COL22A1: variants seen among roughly 807,000 people sequenced by gnomAD.
The protein encoded by COL22A1 is collagen alpha-1(XXII) chain.
A neutral mutation model predicts 248.9 loss-of-function variants in COL22A1; 221 were observed. The ratio of observed to expected loss-of-function variants is 0.89; its 90% CI spans 0.80 to 0.99. COL22A1 has a LOEUF of 0.99. Among genes scored for constraint, COL22A1 ranks in the 50% least tolerant of loss-of-function variants. The pLI is 0.00. For synonymous variants in COL22A1, 891 were observed against 793.4 expected (o/e 1.12, Z -2.07); for missense variants, 2,240 against 2,179.0 (o/e 1.03, Z -0.56).
At chr8:138,761,957 A>G (rs1833519822) in intron 17 of COL22A1, among the ~76,000 whole-genome samples, 1 of 152,174 alleles carries the variant, frequency 6.6e-6, no homozygotes, top group Non-Finnish European at 1.5e-5. Context: ...CATGTCTTGC[A>G]GACCCCTCAC....
At chr8:138,780,309 T>C (rs1039106423) in intron 13 of COL22A1, among the ~76,000 whole-genome samples, 4 of 152,156 alleles carry the variant, frequency 2.6e-5, no homozygotes, top group African/African-American at 9.7e-5. Flanking sequence ...TCAGCGTTGC[T>C]CACAAGCCAG....
chr8:138,802,938 A>G lies in COL22A1; in HGVS notation c.1495-4T>C, dbSNP rs376871507. 2.5e-5 allele frequency: 40 copies of G among 1,612,498 alleles called. No homozygotes were observed. The highest frequency in any genetic ancestry group is 3.3e-5 in the Non-Finnish European group (39 of 1,178,628). ...GCCCAATGGCTCCTATGTCTCCCTGAGGGGTTGAGACCAGAGACAAGCATC... is the reference window on the plus strand; with the variant it reads ...GCCCAATGGCTCCTATGTCTCCCTGGGGGGTTGAGACCAGAGACAAGCATC... On this transcript the variant is annotated splice_region_variant and splice_polypyrimidine_tract_variant and intron_variant, in intron 10 of 64. Coordinates refer to ENST00000303045, the MANE Select transcript of COL22A1 (RefSeq NM_152888.3).
chr8:138,909,430 GA>G (rs2132203894), intron 1 of COL22A1, among the ~76,000 whole-genome samples: 1 of 148,652 alleles, frequency 6.7e-6, no homozygotes, highest in African/African-American at 2.5e-5. Flanking sequence ...CTGTGCCCCT[GA>G]CAACTCAGCC....
At chr8:138,617,871 G>GGACTGAATAA (rs1210067403) in intron 53 of COL22A1, among the ~76,000 whole-genome samples, 3 of 152,106 alleles carry the variant, frequency 2.0e-5, no homozygotes, top group South Asian at 2.1e-4. Context: ...GTTGCTGTCA[G>GGACTGAATAA]GACTGAATAA....
intron 35 of COL22A1, 143 bp from the exon 36 acceptor site, chr8:138,691,017 C>T: frequency 3.3e-6 from 2 of 603,690 alleles, no homozygotes; most frequent in Non-Finnish European, 2.8e-6. Flanking sequence ...CAGACGTGAA[C>T]CTCCTCTCCG....
In COL22A1 at chr8:138,840,559, G is replaced by GCGCA. The variant is rs1339373772; in HGVS notation, c.733+3524_733+3525insTGCG. On this transcript the variant is annotated intron_variant, in intron 4 of 64. Transcript: ENST00000303045. ...TACACACACACACACACACACACAC[G>GCGCA]CGCTCCTGAATCTTCCCAGCAAGAA... Among the ~76,000 whole-genome samples, 106 of 124,434 alleles carry GCGCA rather than the reference G, an allele frequency of 8.5e-4. 1 individual carries two copies. The highest frequency in any genetic ancestry group is 2.8e-3 in the African/African-American group (96 of 34,802). 81.6% of individuals were successfully genotyped at this position (124,434 alleles called of 152,430 possible).
intron 22 of COL22A1, among the ~76,000 whole-genome samples, chr8:138,743,651 A>G (rs1204913190): frequency 6.6e-6 from 1 of 152,170 alleles, no homozygotes; most frequent in Admixed American, 6.5e-5. Flanking sequence ...TAAATTTTGT[A>G]GCAATAAAGA....
intron 4 of COL22A1, among the ~76,000 whole-genome samples, chr8:138,839,580 T>C (rs1452622641): frequency 6.6e-6 from 1 of 151,980 alleles, no homozygotes; most frequent in East Asian, 1.9e-4. Flanking sequence ...CCACACAGAG[T>C]TCCAGCTGGG....
At chr8:138,603,556 C>T (rs769437498) in intron 59 of COL22A1, among the ~76,000 whole-genome samples, 16 of 152,096 alleles carry the variant, frequency 1.1e-4, no homozygotes, top group Non-Finnish European at 2.2e-4. Flanking sequence ...AGAATTTATT[C>T]GAGAAGTCCA....
At chr8:138,880,748 T>G (rs1462900059) in intron 2 of COL22A1, among the ~76,000 whole-genome samples, 1 of 152,208 alleles carries the variant, frequency 6.6e-6, no homozygotes, top group African/African-American at 2.4e-5. Context: ...GTTTTTTTCC[T>G]TGACACAAAA....
At chr8:138,676,132 C>T (rs1825484627) in intron 41 of COL22A1, among the ~76,000 whole-genome samples, 1 of 152,050 alleles carries the variant, frequency 6.6e-6, no homozygotes. Flanking sequence ...AGCGGTGGCT[C>T]ACGTCTGTAA....
chr8:138,833,219 TC>T, intron 4 of COL22A1, 69 bp from the exon 5 acceptor site: 1 of 1,119,598 alleles, frequency 8.9e-7, no homozygotes, highest in South Asian at 1.3e-5. Flanking sequence ...GAAAATCACA[TC>T]CGCTGTCTGC....
At chr8:138,821,579 C>G (rs1819137669) in intron 6 of COL22A1, among the ~76,000 whole-genome samples, 168 bp from the exon 7 acceptor site, 1 of 152,178 alleles carries the variant, frequency 6.6e-6, no homozygotes, top group Admixed American at 6.5e-5. Flanking sequence ...TCCGTCACAC[C>G]TCTGAGAGCC....
At chr8:138,746,678 C>A (rs73437352) in intron 22 of COL22A1, among the ~76,000 whole-genome samples, 5 of 152,202 alleles carry the variant, frequency 3.3e-5, no homozygotes, top group Non-Finnish European at 7.3e-5. Context: ...TGCTCTGCAC[C>A]CTGTGCTAAT....
At chr8:138,676,478 G>GGAAGGAAGAAAGAAAGAAAGA in intron 41 of COL22A1, 80 bp downstream of exon 41, 10 of 397,784 alleles carry the variant, frequency 2.5e-5, no homozygotes, top group South Asian at 1.4e-4. Context: ...AGAAAGAAAA[G>GGAAGGAAGAAAGAAAGAAAGA]AGTGTTTCTG....
chr8:138,697,842 G>C (rs1198664940), intron 32 of COL22A1, among the ~76,000 whole-genome samples: 1 of 152,236 alleles, frequency 6.6e-6, no homozygotes, highest in Non-Finnish European at 1.5e-5. Context: ...GGGTTGCCAT[G>C]GTGACGAAGC....
intron 56 of COL22A1, among the ~76,000 whole-genome samples, chr8:138,610,246 C>T (rs144055935): frequency 3.0e-4 from 45 of 152,346 alleles, no homozygotes; most frequent in African/African-American, 1.1e-3. Context: ...AAATGCACCA[C>T]TCCACTGGTG....
In COL22A1 at chr8:138,883,112, C is replaced by T. The variant is rs753469570; in HGVS notation, c.61G>A (p.Gly21Arg). 1 of 1,597,150 alleles carries T rather than the reference C, an allele frequency of 6.3e-7. No homozygotes were observed. The highest frequency in any genetic ancestry group is 1.1e-5 in the South Asian group (1 of 88,252). The change falls in exon 2 of 65, where the codon GGG (glycine) becomes AGG (arginine). Residue 21 changes from glycine (G) to arginine (R), a missense_variant. Physicochemically the swap from Gly to Arg is moderately radical, Grantham distance 125. Coordinates refer to ENST00000303045, the MANE Select transcript of COL22A1 (RefSeq NM_152888.3). ...GLLWMLLLWS[G>R]GGGCQAQRAG... Reference sequence around the variant, plus strand: ...CGCTGAGCCTGGCAGCCGCCGCCCCCACTCCACAGCAGCAGCATCCAGAGG... The same window carrying T: ...CGCTGAGCCTGGCAGCCGCCGCCCCTACTCCACAGCAGCAGCATCCAGAGG...
intron 1 of COL22A1, among the ~76,000 whole-genome samples, chr8:138,897,706 A>G (rs1814222352): frequency 6.6e-6 from 1 of 152,132 alleles, no homozygotes; most frequent in African/African-American, 2.4e-5. Flanking sequence ...GAAATTGATG[A>G]ATGATTTCCC....
Sources: gnomAD v4.1 joint callset for allele counts (sites outside exome capture counted in the v4.1 genomes callset) on GRCh38, gnomAD v4.1.1 for gene constraint, MANE v1.5 for transcripts, NCBI Gene and HGNC (gene_info 2026-07-23, HGNC 2026-07-21) for gene names.